RGSL1: variants seen among roughly 807,000 people sequenced by gnomAD.
RGSL1 encodes the protein regulator of G protein signaling protein-like.
A neutral mutation model predicts 124.7 loss-of-function variants in RGSL1; 97 were observed. The observed-to-expected ratio is 0.78, with a 90% CI of 0.66 to 0.92. RGSL1 has a LOEUF of 0.92. RGSL1 is among the 40% of genes least tolerant of loss of function. The pLI, the probability that RGSL1 is intolerant of heterozygous loss-of-function variation, is 0.00. For synonymous variants in RGSL1, 424 were observed against 438.1 expected (o/e 0.97, Z 0.40); for missense variants, 1,233 against 1,288.4 (o/e 0.96, Z 0.66).
At chr1:182,542,720 G>A (rs1421690986) in intron 15 of RGSL1, among the ~76,000 whole-genome samples, 1 of 152,028 alleles carries the variant, frequency 6.6e-6, no homozygotes, top group African/African-American at 2.4e-5. Context: ...TCAATTGTGT[G>A]TGTCTTCTTC....
chr1:182,536,784 C>G (rs903172498), intron 14 of RGSL1, among the ~76,000 whole-genome samples: 1 of 152,002 alleles, frequency 6.6e-6, no homozygotes, highest in Non-Finnish European at 1.5e-5. Context: ...TTAAAACCAT[C>G]AGATCTCGTG....
chr1:182,475,762 G>A (rs762352829), intron 6 of RGSL1, among the ~76,000 whole-genome samples: 2 of 152,122 alleles, frequency 1.3e-5, no homozygotes, highest in South Asian at 2.1e-4. Context: ...TTGATGTGGC[G>A]CATACAGGTT....
rs531867331 is a variant in RGSL1 at position 182,551,018 on chromosome 1, G to A, written c.2934-82G>A. 5.8e-4 allele frequency: 516 copies of A among 882,460 alleles called. 1 individual carries two copies. Among genetic ancestry groups the A allele is most frequent in the Non-Finnish European group, 8.8e-4 (477 of 542,964 alleles). The allele number at this position is 882,460 out of a possible 1,614,324, so 54.7% of individuals were successfully genotyped here. A position where few individuals can be genotyped will look rare whatever the true frequency, so the allele number is the denominator to read the frequency against. ...ACCCACATTCTCTGAGGACTGGCCC[G>A]GCCCTGTTTCCCCTGTGCTCGGTGC... On this transcript the variant is annotated intron_variant, in intron 17 of 21. Transcript: ENST00000294854.
At chr1:182,544,270 G>A (rs1206034423) in intron 15 of RGSL1, among the ~76,000 whole-genome samples, 1 of 151,998 alleles carries the variant, frequency 6.6e-6, no homozygotes. Context: ...GGTCATTCAG[G>A]AGCATGTTTT....
chr1:182,467,237 G>A (rs1253512122), intron 4 of RGSL1, among the ~76,000 whole-genome samples: 1 of 152,106 alleles, frequency 6.6e-6, no homozygotes, highest in East Asian at 1.9e-4. Flanking sequence ...AGCTACCAAT[G>A]ACTTTCTTCA....
chr1:182,553,514 C>T lies in RGSL1; in HGVS notation c.3103C>T (p.Arg1035Trp), dbSNP rs373882372. 46 of 1,551,776 alleles carry T rather than the reference C, an allele frequency of 3.0e-5. No homozygotes were observed. Among genetic ancestry groups the T allele is most frequent in the South Asian group, 4.8e-5 (4 of 84,038 alleles). The change falls in exon 19 of 22, where the codon CGG (arginine) becomes TGG (tryptophan). Residue 1035 changes from arginine to tryptophan, a missense_variant. By Grantham distance (101) the Arg-to-Trp change is moderately radical. Coordinates refer to ENST00000294854, the MANE Select transcript of RGSL1 (RefSeq NM_001137669.2). ...AGGTATTGAGTGGTTGCAGCCTCAA[C>T]GGGAAGCAATAAGTTCAGTTCAAAA... ...LRGIEWLQPQ[R>W]EAISSVQNSS...
chr1:182,450,621 G>A (rs1308561332), intron 1 of RGSL1: 4 of 225,350 alleles, frequency 1.8e-5, no homozygotes, highest in Non-Finnish European at 3.6e-5. Flanking sequence ...GATGAGGAAG[G>A]GAAGGATGTA....
Position 182,548,438 on chromosome 1 carries a change from A to G in RGSL1, c.2791A>G (p.Ile931Val). 1 of 1,551,740 alleles carries G rather than the reference A, an allele frequency of 6.4e-7. No homozygotes were observed. The highest frequency in any genetic ancestry group is 8.7e-7 in the Non-Finnish European group (1 of 1,146,996). The stretch of plus-strand genomic sequence containing the variant: ...CCAAAAACTCTTCCTGAATTCTGAC[A>G]TCCCTCCAAAGCTGAGGGTAAGAAA... Reference protein sequence around the residue: ...IIQKLFLNSDIPPKLRVNVPE... With the variant: ...IIQKLFLNSDVPPKLRVNVPE... The change falls in exon 16 of 22, where the codon ATC becomes GTC. Residue 931 changes from isoleucine to valine, a missense_variant. By Grantham distance (29) the Ile-to-Val change is conservative. Transcript: ENST00000294854.
At chr1:182,540,831 G>A (rs1659846133) in intron 15 of RGSL1, among the ~76,000 whole-genome samples, 1 of 152,130 alleles carries the variant, frequency 6.6e-6, no homozygotes, top group Admixed American at 6.5e-5. Flanking sequence ...AGACATATTA[G>A]TGTATATTAA....
intron 6 of RGSL1, among the ~76,000 whole-genome samples, chr1:182,484,165 A>G (rs1474121097): frequency 6.6e-6 from 1 of 152,096 alleles, no homozygotes; most frequent in African/African-American, 2.4e-5. Context: ...GCTACAGGGA[A>G]GCAGGGTACT....
At position 182,544,937 on chromosome 1, in the gene RGSL1, A is replaced by G. The variant is rs541908773; in HGVS notation, c.2670-3380A>G. On this transcript the variant is annotated intron_variant, in intron 15 of 21. Coordinates refer to ENST00000294854, the MANE Select transcript of RGSL1 (RefSeq NM_001137669.2). ...GCATGTAGTTGGGTCTTGTTTCTTT[A>G]TCCATTCAGCCACTATATGTCTTTT... 2.6e-4 allele frequency among the ~76,000 whole-genome samples: 40 copies of G among 152,094 alleles called. 1 individual carries two copies. The South Asian group carries it at 6.0e-3, about 23-fold the overall frequency.
intron 9 of RGSL1, among the ~76,000 whole-genome samples, chr1:182,516,998 G>GT (rs375529010): frequency 6.6e-6 from 1 of 151,910 alleles, no homozygotes; most frequent in African/African-American, 2.4e-5. Flanking sequence ...TCATGTTAGT[G>GT]TTTTTTTCTT....
chr1:182,521,967 A>G (rs2102237214), intron 9 of RGSL1, 37 bp from the exon 10 acceptor site: 2 of 1,326,838 alleles, frequency 1.5e-6, no homozygotes, highest in Middle Eastern at 1.9e-4. Flanking sequence ...CATTGCTTAT[A>G]ATATAGTGTT....
intron 9 of RGSL1, among the ~76,000 whole-genome samples, chr1:182,518,208 T>A (rs1658044842): frequency 6.6e-6 from 1 of 152,084 alleles, no homozygotes; most frequent in African/African-American, 2.4e-5. Context: ...CCCAGCTAAT[T>A]TTTTTAATAG....
chr1:182,467,212 A>G (rs1466929657), intron 4 of RGSL1, among the ~76,000 whole-genome samples: 3 of 152,210 alleles, frequency 2.0e-5, no homozygotes, highest in South Asian at 4.1e-4. Context: ...TATAGATTCA[A>G]TGCCATCCCC....
chr1:182,542,714 T>C (rs886529122), intron 15 of RGSL1, among the ~76,000 whole-genome samples: 1 of 152,190 alleles, frequency 6.6e-6, no homozygotes, highest in African/African-American at 2.4e-5. Flanking sequence ...TATACTTCAA[T>C]TGTGTGTGTC....
At chr1:182,449,509 C>T (rs1425268144), upstream of RGSL1, among the ~76,000 whole-genome samples, 2 of 152,172 alleles carry the variant, frequency 1.3e-5, no homozygotes, top group Non-Finnish European at 2.9e-5. Context: ...CTTTTGGTCT[C>T]TCATCTTAAT....
chr1:182,461,544 T>C (rs76412529), intron 4 of RGSL1, among the ~76,000 whole-genome samples: 13,970 of 151,694 alleles, frequency 0.092, 723 homozygotes, highest in South Asian at 0.18. Context: ...TGATGGCAGA[T>C]CTACTAGATA....
intron 5 of RGSL1, 64 bp from the exon 6 acceptor site, chr1:182,473,511 C>G: frequency 2.7e-6 from 4 of 1,454,962 alleles, no homozygotes; most frequent in Non-Finnish European, 3.6e-6. Context: ...AAAACCTCTC[C>G]AACACCATCA....
Sources: gnomAD v4.1 joint callset for allele counts (sites outside exome capture counted in the v4.1 genomes callset) on GRCh38, gnomAD v4.1.1 for gene constraint, MANE v1.5 for transcripts, NCBI Gene and HGNC (gene_info 2026-07-23, HGNC 2026-07-21) for gene names.